The following TENM3 variants were observed in gnomAD, a reference collection of about 807,000 sequenced individuals.
The protein encoded by TENM3 is teneurin transmembrane protein 3.
In TENM3, 63 loss-of-function variants were observed where a neutral mutation model predicts 255.1. That is an observed-to-expected ratio of 0.25 (90% CI 0.20 to 0.30). The LOEUF (loss-of-function observed/expected upper bound fraction) is 0.30, where lower values mean the gene tolerates loss of function less well. Ranked by LOEUF, TENM3 falls within the 10% of genes least tolerant of loss-of-function variation. The probability of loss-of-function intolerance (pLI) is 1.00; values close to 1 mark genes in which losing one functional copy is unlikely to be tolerated. For synonymous variants in TENM3, 1,306 were observed against 1,322.3 expected, an observed-to-expected ratio of 0.99 and a Z score of 0.27; for missense variants, 2,929 against 3,461.1, an observed-to-expected ratio of 0.85 and a Z score of 3.86.
intron 3 of TENM3, among the ~76,000 whole-genome samples, chr4:182,432,047 C>T (rs139833560): frequency 2.8e-4 from 41 of 146,988 alleles, no homozygotes; most frequent in African/African-American, 3.0e-4. Context: ...CGCGCTACTG[C>T]ACTCCAGCCT....
chr4:182,524,310 T>C (rs1738896192), intron 3 of TENM3, among the ~76,000 whole-genome samples: 1 of 151,402 alleles, frequency 6.6e-6, no homozygotes, highest in African/African-American at 2.4e-5. Context: ...CATCTTTTAA[T>C]TCATTCAGAA....
intron 3 of TENM3, among the ~76,000 whole-genome samples, chr4:182,593,254 A>G (rs747363237): frequency 3.3e-5 from 5 of 152,192 alleles, no homozygotes; most frequent in Non-Finnish European, 7.3e-5. Flanking sequence ...AGGAAGCCAC[A>G]TGCTGATGAA....
chr4:181,575,573 G>A, the TENM3 span, among the ~76,000 whole-genome samples: 7 of 151,948 alleles, frequency 4.6e-5, no homozygotes, highest in Non-Finnish European at 1.5e-5. Flanking sequence ...GCTTTTTCTT[G>A]CAAACCATAT....
the TENM3 span, among the ~76,000 whole-genome samples, chr4:182,047,304 CT>C: frequency 1.3e-5 from 2 of 152,046 alleles, no homozygotes; most frequent in Non-Finnish European, 2.9e-5. Context: ...TGGCTCATGC[CT>C]GTAATCCCAG....
At chr4:181,516,221 G>T in the TENM3 span, among the ~76,000 whole-genome samples, 7 of 152,058 alleles carry the variant, frequency 4.6e-5, no homozygotes, top group Non-Finnish European at 1.0e-4. Flanking sequence ...GGGGTCAGGG[G>T]AGGGGAGAGC....
intron 1 of TENM3, among the ~76,000 whole-genome samples, chr4:182,227,278 G>A (rs73871888): frequency 0.099 from 15,066 of 152,074 alleles, 844 homozygotes; most frequent in African/African-American, 0.14. Flanking sequence ...TTCCTCCCCA[G>A]TGCTTAAGTG....
the TENM3 span, among the ~76,000 whole-genome samples, chr4:181,812,327 G>C: frequency 8.5e-5 from 13 of 152,260 alleles, no homozygotes; most frequent in East Asian, 2.5e-3. Flanking sequence ...ATTGTTCTAA[G>C]GATGAGAAAA....
At chr4:182,778,756 T>C (rs537825402) in intron 24 of TENM3, among the ~76,000 whole-genome samples, 9 of 152,120 alleles carry the variant, frequency 5.9e-5, no homozygotes, top group Admixed American at 5.2e-4. Flanking sequence ...AAATGGAGAT[T>C]TTTTTCCATG....
intron 3 of TENM3, among the ~76,000 whole-genome samples, chr4:182,352,625 G>A (rs1253588835): frequency 6.6e-6 from 1 of 152,128 alleles, no homozygotes; most frequent in Non-Finnish European, 1.5e-5. Context: ...TAACATTAAA[G>A]TGCAGTCTTT....
chr4:182,223,309 T>G (rs935870587), intron 1 of TENM3, among the ~76,000 whole-genome samples: 3 of 152,156 alleles, frequency 2.0e-5, no homozygotes, highest in African/African-American at 7.2e-5. Context: ...AGAAAGACAA[T>G]GTATACATAA....
At chr4:181,636,597 A>G in the TENM3 span, among the ~76,000 whole-genome samples, 1 of 152,130 alleles carries the variant, frequency 6.6e-6, no homozygotes, top group Non-Finnish European at 1.5e-5. Flanking sequence ...CCAATCCATC[A>G]GCAGTTACTC....
chr4:181,929,607 A>G, the TENM3 span, among the ~76,000 whole-genome samples: 1 of 152,164 alleles, frequency 6.6e-6, no homozygotes, highest in African/African-American at 2.4e-5. Context: ...CCCACTGTCA[A>G]TATTAGACAG....
intron 1 of TENM3, among the ~76,000 whole-genome samples, chr4:182,294,172 A>G (rs1339316180): frequency 6.6e-6 from 1 of 152,130 alleles, no homozygotes; most frequent in East Asian, 1.9e-4. Flanking sequence ...GAGGATTCCT[A>G]CTAATACTGT....
At chr4:182,200,550 C>T (rs1460184881) in intron 1 of TENM3, among the ~76,000 whole-genome samples, 1 of 152,148 alleles carries the variant, frequency 6.6e-6, no homozygotes, top group Non-Finnish European at 1.5e-5. Context: ...ATCATAAAGA[C>T]GGAGCACAGT....
chr4:182,301,897 G>T (rs1021706734), intron 1 of TENM3, among the ~76,000 whole-genome samples: 7 of 152,190 alleles, frequency 4.6e-5, no homozygotes, highest in African/African-American at 1.4e-4. Context: ...CAGCGATCCA[G>T]TTCTGCAGAA....
the TENM3 span, among the ~76,000 whole-genome samples, chr4:181,676,125 T>A: frequency 4.6e-5 from 7 of 152,150 alleles, no homozygotes; most frequent in Non-Finnish European, 8.8e-5. Flanking sequence ...AGACACCATT[T>A]TTCCAGGGTA....
chr4:182,595,816 A>G (rs1644829444), intron 3 of TENM3, among the ~76,000 whole-genome samples: 1 of 151,796 alleles, frequency 6.6e-6, no homozygotes, highest in Admixed American at 6.6e-5. Context: ...GCTTTAAAAT[A>G]TTAATAAAAG....
chr4:181,689,943 TAAGAG>T, the TENM3 span, among the ~76,000 whole-genome samples: 7 of 152,062 alleles, frequency 4.6e-5, no homozygotes, highest in Admixed American at 2.0e-4. Flanking sequence ...AATTTGCTAG[TAAGAG>T]AAGGGAGAAA....
the TENM3 span, among the ~76,000 whole-genome samples, chr4:181,998,082 C>CTT: frequency 6.6e-6 from 1 of 152,188 alleles, no homozygotes; most frequent in African/African-American, 2.4e-5. Flanking sequence ...CACTAACATG[C>CTT]TTTTAATCGC....
Sources: gnomAD v4.1 joint callset for allele counts (sites outside exome capture counted in the v4.1 genomes callset) on GRCh38, gnomAD v4.1.1 for gene constraint, MANE v1.5 for transcripts, NCBI Gene and HGNC (gene_info 2026-07-23, HGNC 2026-07-21) for gene names.